Variants in GALNT2 observed in about 807,000 individuals in gnomAD.
GALNT2 encodes the protein UDP-GalNAc:polypeptide N-acetylgalactosaminyltransferase 2.
GALNT2 carries 31 observed loss-of-function variants against 81.4 expected under a neutral mutation model. The observed-to-expected ratio is 0.38, with a 90% CI of 0.29 to 0.51. GALNT2 has a LOEUF of 0.51. Ranked by LOEUF, GALNT2 falls within the 20% of genes least tolerant of loss-of-function variation. The probability of loss-of-function intolerance (pLI) is 0.87; values close to 1 mark genes in which losing one functional copy is unlikely to be tolerated. For synonymous variants in GALNT2, 303 were observed against 287.4 expected (o/e 1.05, Z -0.55); for missense variants, 629 against 765.7 (o/e 0.82, Z 2.11).
intron 1 of GALNT2, among the ~76,000 whole-genome samples, chr1:230,138,093 TCTC>T (rs1383113468): frequency 6.6e-5 from 10 of 152,176 alleles, no homozygotes; most frequent in Non-Finnish European, 1.2e-4. Flanking sequence ...TGTGGCCTCT[TCTC>T]CTTTCATCTG....
intron 14 of GALNT2, among the ~76,000 whole-genome samples, chr1:230,266,796 G>C (rs757921606): frequency 6.6e-6 from 1 of 152,154 alleles, no homozygotes; most frequent in African/African-American, 2.4e-5. Context: ...ACTTGGCGTT[G>C]ATGAGTTAGA....
At chr1:230,059,827 G>T in intron 1 of GALNT2, among the ~76,000 whole-genome samples, 1 of 151,942 alleles carries the variant, frequency 6.6e-6, no homozygotes, top group Non-Finnish European at 1.5e-5. Context: ...TCTTTTGAAA[G>T]CAGCTCGTGT....
chr1:230,146,013 C>T (rs1243314894), intron 1 of GALNT2, among the ~76,000 whole-genome samples: 1 of 152,144 alleles, frequency 6.6e-6, no homozygotes, highest in African/African-American at 2.4e-5. Flanking sequence ...TCTGGTGTTC[C>T]TTGAGGTTCT....
intron 3 of GALNT2, among the ~76,000 whole-genome samples, chr1:230,209,670 C>T (rs1664173759): frequency 6.6e-6 from 1 of 152,166 alleles, no homozygotes; most frequent in South Asian, 2.1e-4. Context: ...AGCGAAACCC[C>T]ATCTCTACAA....
chr1:230,144,153 G>A (rs971635750), intron 1 of GALNT2, among the ~76,000 whole-genome samples: 7 of 152,188 alleles, frequency 4.6e-5, no homozygotes, highest in Admixed American at 1.3e-4. Flanking sequence ...GGTAGGAGAC[G>A]TCTCCGTGCT....
At position 230,212,116 on chromosome 1, in the gene GALNT2, T is replaced by C. The variant is rs147596012; in HGVS notation, c.374+8826T>C. Reference sequence around the variant, plus strand: ...CTAAGCCATGAAGTTTTATCACTTGTCTATGAGGCAGACGAGAAAGGTGAG... The same window carrying C: ...CTAAGCCATGAAGTTTTATCACTTGCCTATGAGGCAGACGAGAAAGGTGAG... On this transcript the variant is annotated intron_variant, in intron 3 of 15. Coordinates refer to ENST00000366672, the MANE Select transcript of GALNT2 (RefSeq NM_004481.5). 2.4e-3 allele frequency among the ~76,000 whole-genome samples: 373 copies of C among 152,304 alleles called. 2 individuals are homozygous for C. The highest frequency in any genetic ancestry group is 8.6e-3 in the African/African-American group (358 of 41,562).
intron 15 of GALNT2, 136 bp downstream of exon 15, chr1:230,274,700 G>C: frequency 9.6e-7 from 1 of 1,044,400 alleles, no homozygotes; most frequent in Non-Finnish European, 1.3e-6. Context: ...GCATCACTGT[G>C]AATAATGTCT....
chr1:230,236,632 A>G lies in GALNT2; in HGVS notation c.542-28A>G. ...AAGCCCTTTATGAACTCCAGGTTCA[A>G]AATGCTCTGCTTCTTTTCTTTTCCT... On this transcript the variant is annotated intron_variant, in intron 5 of 15. Transcript: ENST00000366672. 3 of 1,602,852 alleles carry G rather than the reference A, an allele frequency of 1.9e-6. No individual in the cohort carries two copies. In the South Asian group the frequency reaches 3.4e-5, roughly 18 times the overall value.
At chr1:230,175,616 CT>C (rs1193719698) in intron 1 of GALNT2, among the ~76,000 whole-genome samples, 2 of 137,300 alleles carry the variant, frequency 1.5e-5, no homozygotes, top group African/African-American at 2.7e-5. Flanking sequence ...CCTCCTCCCC[CT>C]CCCTCTCCCC....
intron 1 of GALNT2, among the ~76,000 whole-genome samples, chr1:230,080,973 C>G (rs1659707337): frequency 6.6e-6 from 1 of 152,214 alleles, no homozygotes; most frequent in Non-Finnish European, 1.5e-5. Flanking sequence ...TGTGCTCTCA[C>G]ATCACATGTG....
chr1:230,263,509 C>T (rs1665941027), intron 13 of GALNT2: 2 of 154,848 alleles, frequency 1.3e-5, no homozygotes, highest in Middle Eastern at 3.4e-3. Context: ...AGGTTAATCA[C>T]ATGTGAAACG....
intron 1 of GALNT2, among the ~76,000 whole-genome samples, chr1:230,167,961 A>AC (rs5781575): frequency 0.21 from 31,240 of 151,474 alleles, 3,438 homozygotes; most frequent in East Asian, 0.46. Flanking sequence ...TTTCTAAAAT[A>AC]CCCCCCCCTT....
chr1:230,229,251 G>A (rs1664803405), intron 3 of GALNT2, among the ~76,000 whole-genome samples: 1 of 152,150 alleles, frequency 6.6e-6, no homozygotes, highest in Non-Finnish European at 1.5e-5. Context: ...CAAATAGTAG[G>A]TAAAACCTAA....
chr1:230,205,221 A>G (rs1664024852), intron 3 of GALNT2, among the ~76,000 whole-genome samples: 1 of 152,202 alleles, frequency 6.6e-6, no homozygotes, highest in Non-Finnish European at 1.5e-5. Flanking sequence ...CAAGGACTTT[A>G]TGGACAGTGT....
chr1:230,192,607 G>A (rs1006624052), intron 2 of GALNT2, among the ~76,000 whole-genome samples: 5 of 152,228 alleles, frequency 3.3e-5, no homozygotes, highest in Admixed American at 6.5e-5. Flanking sequence ...TTGAAGAAGA[G>A]ATATAGGATG....
rs372875474 is a variant in GALNT2 at position 230,207,999 on chromosome 1, A to G, written c.374+4709A>G. Among the ~76,000 whole-genome samples the G allele has an allele frequency of 9.3e-4, 142 of 152,308 alleles. 1 individual carries two copies. The South Asian group carries it at 0.029, about 31-fold the overall frequency. The stretch of plus-strand genomic sequence containing the variant: ...TGATACCTGTCTACAATGTGTAATG[A>G]TCAAGTCAGGGTAATTGGGATATCC... On this transcript the variant is annotated intron_variant, in intron 3 of 15. Coordinates refer to ENST00000366672, the MANE Select transcript of GALNT2 (RefSeq NM_004481.5).
chr1:230,174,676 G>A lies in GALNT2; in HGVS notation c.127-3542G>A, dbSNP rs573311181. Among the ~76,000 whole-genome samples, 77 of 152,174 alleles carry A rather than the reference G, an allele frequency of 5.1e-4. 1 individual carries two copies. The highest frequency in any genetic ancestry group is 3.4e-3 in the Middle Eastern group (1 of 294). On this transcript the variant is annotated intron_variant, in intron 1 of 15. Transcript: ENST00000366672. ...CTCCGCTCTGTCCCTCCGGGACCTG[G>A]ACTGGGTCCAGCATGCCATCTTCCC...
intron 14 of GALNT2, chr1:230,268,466 G>A (rs1311423867): frequency 1.3e-5 from 2 of 152,210 alleles, no homozygotes; most frequent in Admixed American, 6.5e-5. Context: ...AGGTTGGAGA[G>A]GTCACTCCTT....
chr1:230,260,390 T>C (rs1253043531), intron 11 of GALNT2, among the ~76,000 whole-genome samples: 27 of 152,178 alleles, frequency 1.8e-4, no homozygotes, highest in Admixed American at 1.2e-3. Flanking sequence ...TGGAGATCAT[T>C]CCTTGGGGCT....
Sources: allele counts gnomAD v4.1 joint callset (sites outside exome capture counted in the v4.1 genomes callset), GRCh38; gene constraint gnomAD v4.1.1; transcripts MANE v1.5; gene names NCBI Gene and HGNC (gene_info 2026-07-23, HGNC 2026-07-21).